Variants in FCHO2 observed in about 807,000 individuals in gnomAD.
FCHO2 encodes the protein FCH and mu domain containing endocytic adaptor 2.
A neutral mutation model predicts 114.1 loss-of-function variants in FCHO2; 43 were observed. The ratio of observed to expected loss-of-function variants is 0.38; its 90% CI spans 0.30 to 0.49. The LOEUF is 0.49. FCHO2 is among the 20% of genes least tolerant of loss of function. FCHO2 has a pLI of 0.97. For missense variants in FCHO2, 807 were observed against 950.4 expected, an observed-to-expected ratio of 0.85 and a Z score of 1.98; for synonymous variants, 293 against 315.2, an observed-to-expected ratio of 0.93 and a Z score of 0.75.
chr5:72,975,140 C>G (rs959667141), intron 2 of FCHO2, among the ~76,000 whole-genome samples: 3 of 152,076 alleles, frequency 2.0e-5, no homozygotes, highest in Non-Finnish European at 4.4e-5. Context: ...GTTACATCAC[C>G]TATCTCTTTG....
chr5:73,014,604 G>A (rs1170622257), intron 6 of FCHO2, among the ~76,000 whole-genome samples: 1 of 152,002 alleles, frequency 6.6e-6, no homozygotes, highest in Non-Finnish European at 1.5e-5. Context: ...ATTATTTCAA[G>A]GATTAGAAAG....
Position 73,088,378 on chromosome 5 carries a change from T to C in FCHO2, c.*288T>C, listed in dbSNP as rs1213726747. 3.2e-5 allele frequency: 13 copies of C among 400,954 alleles called. No individual in the cohort carries two copies. In the East Asian group the frequency reaches 5.6e-4, roughly 17 times the overall value. The allele number at this position is 400,954 out of a possible 1,614,324, so 24.8% of individuals were successfully genotyped here. A position where few individuals can be genotyped will look rare whatever the true frequency, so the allele number is the denominator to read the frequency against. On this transcript the variant is annotated 3_prime_UTR_variant, in exon 26 of 26. Transcript: ENST00000430046. Reference sequence around the variant, plus strand: ...GGATTAATTTTTAAATTATTTCCAGTGTCTATGTTGAAAAAAAGGGTTATA... The same window carrying C: ...GGATTAATTTTTAAATTATTTCCAGCGTCTATGTTGAAAAAAAGGGTTATA...
At position 73,088,125 on chromosome 5, in the gene FCHO2, C is replaced by T. The variant is rs748710844; in HGVS notation, c.*35C>T. 6.2e-7 allele frequency: 1 copy of T among 1,610,904 alleles called. No homozygotes were observed. Among genetic ancestry groups the T allele is most frequent in the Non-Finnish European group, 8.5e-7 (1 of 1,178,562 alleles). On this transcript the variant is annotated 3_prime_UTR_variant, in exon 26 of 26. Transcript: ENST00000430046. ...GAAAGTGATGTGGCTTCAGGGATTA[C>T]AAACCTGCCATTCTGCATTATCTGT...
intron 6 of FCHO2, among the ~76,000 whole-genome samples, 199 bp from the exon 7 acceptor site, chr5:73,015,427 T>C (rs1322184261): frequency 6.6e-6 from 1 of 152,034 alleles, no homozygotes; most frequent in African/African-American, 2.4e-5. Flanking sequence ...CATGCCTGGC[T>C]AATTTTTGTA....
chr5:73,025,375 ATTTT>A (rs367615996), intron 8 of FCHO2, among the ~76,000 whole-genome samples: 1 of 100,492 alleles, frequency 1.0e-5, no homozygotes, highest in Non-Finnish European at 2.0e-5. Context: ...CACCCAGCTA[ATTTT>A]TTTTTTTTTT....
intron 6 of FCHO2, among the ~76,000 whole-genome samples, chr5:73,012,560 A>C (rs916602346): frequency 2.7e-5 from 4 of 150,378 alleles, no homozygotes; most frequent in Non-Finnish European, 5.9e-5. Flanking sequence ...CAGAGGTTGC[A>C]GTGAGCCGAG....
rs148304100 is a variant in FCHO2 at position 72,983,863 on chromosome 5, C to CAT, written c.126-5550_126-5549dup. ...AGTTTTGCACATATGTCCTGGTATG[C>CAT]ATATATATATATATACATTTATATT... On this transcript the variant is annotated intron_variant, in intron 2 of 25. Transcript: ENST00000430046. Among the ~76,000 whole-genome samples the CAT allele has an allele frequency of 1.5e-3, 226 of 149,096 alleles. 1 individual carries two copies. The highest frequency in any genetic ancestry group is 3.9e-3 in the East Asian group (20 of 5,132).
intron 2 of FCHO2, 54 bp from the exon 3 acceptor site, chr5:72,989,373 C>A: frequency 7.8e-7 from 1 of 1,278,914 alleles, no homozygotes; most frequent in Non-Finnish European, 1.1e-6. Context: ...GATAACTTTG[C>A]TGTTTTTGGT....
chr5:72,968,679 T>C, intron 2 of FCHO2, 90 bp downstream of exon 2: 1 of 913,494 alleles, frequency 1.1e-6, no homozygotes, highest in Non-Finnish European at 1.6e-6. Context: ...TTTATTTGGA[T>C]TTGGAATAAA....
intron 6 of FCHO2, among the ~76,000 whole-genome samples, chr5:73,013,160 G>A (rs1296023250): frequency 6.6e-6 from 1 of 152,086 alleles, no homozygotes; most frequent in East Asian, 1.9e-4. Context: ...ATTAATCAAT[G>A]ACAAGTATTC....
At chr5:73,010,372 T>C (rs763940077) in intron 6 of FCHO2, among the ~76,000 whole-genome samples, 3 of 152,178 alleles carry the variant, frequency 2.0e-5, no homozygotes, top group Non-Finnish European at 4.4e-5. Flanking sequence ...ATATGGAGAT[T>C]TTGTTTACTT....
At chr5:73,017,344 T>A in intron 8 of FCHO2, 36 bp downstream of exon 8, 1 of 1,356,310 alleles carries the variant, frequency 7.4e-7, no homozygotes, top group Non-Finnish European at 1.0e-6. Flanking sequence ...ACATTTTAAA[T>A]TTTCCCATAT....
intron 8 of FCHO2, chr5:73,020,865 G>T (rs1580116803): frequency 1.0e-6 from 1 of 995,392 alleles, no homozygotes; most frequent in East Asian, 2.4e-5. Flanking sequence ...TGACCATTAA[G>T]TGTAGCACCT....
At chr5:72,969,378 G>A (rs1053515301) in intron 2 of FCHO2, among the ~76,000 whole-genome samples, 1 of 152,286 alleles carries the variant, frequency 6.6e-6, no homozygotes, top group Non-Finnish European at 1.5e-5. Flanking sequence ...AGACTGATAG[G>A]AATTGGGGAA....
At chr5:73,069,629 C>T (rs1375093781) in intron 19 of FCHO2, among the ~76,000 whole-genome samples, 1 of 151,790 alleles carries the variant, frequency 6.6e-6, no homozygotes, top group East Asian at 1.9e-4. Context: ...GGGTGGGGGG[C>T]GGTTTACTTT....
chr5:73,080,686 C>G (rs183694182), intron 22 of FCHO2, among the ~76,000 whole-genome samples: 409 of 152,066 alleles, frequency 2.7e-3, no homozygotes, highest in Non-Finnish European at 2.9e-3. Flanking sequence ...TAGAAAAATA[C>G]TTAAAGAACA....
intron 8 of FCHO2, among the ~76,000 whole-genome samples, chr5:73,017,532 A>C (rs1209178871): frequency 6.6e-6 from 1 of 152,166 alleles, no homozygotes; most frequent in African/African-American, 2.4e-5. Flanking sequence ...CTGATGATAC[A>C]TTAAGATTTT....
chr5:73,057,025 T>G (rs913447846), intron 16 of FCHO2, among the ~76,000 whole-genome samples: 1 of 152,126 alleles, frequency 6.6e-6, no homozygotes, highest in Non-Finnish European at 1.5e-5. Flanking sequence ...AGTGGCGTGA[T>G]CATGGCTCTC....
In FCHO2 at chr5:73,068,669, C is replaced by G. The variant is rs1173502806; in HGVS notation, c.1469C>G (p.Pro490Arg). Residue 490 changes from proline (P) to arginine (R), a missense_variant, in exon 19 of 26, where the codon CCT (proline) becomes CGT (arginine). By Grantham distance (103) the Pro-to-Arg change is moderately radical (BLOSUM62 -2). Transcript: ENST00000430046. ...INEIPRPFSP[P>R]VTSNTSPPPA... ...TTTAAGCCCAGGCCATTCAGCCCAC[C>G]TGTAACTTCCAACACCAGCCCACCT... 1.2e-6 allele frequency: 2 copies of G among 1,611,552 alleles called. No homozygotes were observed. The highest frequency in any genetic ancestry group is 2.7e-5 in the African/African-American group (2 of 74,734).
Sources: allele counts gnomAD v4.1 joint callset (sites outside exome capture counted in the v4.1 genomes callset), GRCh38; gene constraint gnomAD v4.1.1; transcripts MANE v1.5; gene names NCBI Gene and HGNC (gene_info 2026-07-23, HGNC 2026-07-21).